The following PAX5 variants were observed in gnomAD, a reference collection of about 807,000 sequenced individuals.
PAX5 encodes paired box protein Pax-5.
In PAX5, 9 loss-of-function variants were observed where a neutral mutation model predicts 43.7. That is an observed-to-expected ratio of 0.21 (90% CI 0.12 to 0.36). PAX5 has a LOEUF of 0.36. Among genes scored for constraint, PAX5 ranks in the 10% least tolerant of loss-of-function variants. The probability of loss-of-function intolerance (pLI) is 1.00; values close to 1 mark genes in which losing one functional copy is unlikely to be tolerated. For synonymous variants in PAX5, 228 were observed against 214.3 expected (o/e 1.06, Z -0.56); for missense variants, 383 against 532.7 (o/e 0.72, Z 2.77).
At chr9:36,948,021 G>A (rs774711346) in intron 6 of PAX5, among the ~76,000 whole-genome samples, 13 of 152,050 alleles carry the variant, frequency 8.5e-5, no homozygotes, top group Non-Finnish European at 1.8e-4. Flanking sequence ...TCCTCTGAAC[G>A]TCTCCCACGT....
At chr9:36,920,871 T>C (rs1210990686) in intron 7 of PAX5, among the ~76,000 whole-genome samples, 2 of 136,596 alleles carry the variant, frequency 1.5e-5, no homozygotes, top group Admixed American at 8.9e-5. Flanking sequence ...TGGAGTGCAA[T>C]GGCGTGATCT....
intron 8 of PAX5, among the ~76,000 whole-genome samples, chr9:36,859,524 C>T (rs1010226046): frequency 3.9e-5 from 6 of 152,150 alleles, no homozygotes; most frequent in East Asian, 1.9e-4. Flanking sequence ...CGTCTGCACC[C>T]GACATTCATT....
At chr9:36,846,993 TG>T in intron 8 of PAX5, 64 bp from the exon 9 acceptor site, 1 of 1,202,308 alleles carries the variant, frequency 8.3e-7, no homozygotes, top group South Asian at 1.3e-5. Flanking sequence ...GAAAAGGCCC[TG>T]GGTCCCAGCC....
At chr9:36,903,903 G>T (rs1342778241) in intron 7 of PAX5, among the ~76,000 whole-genome samples, 2 of 152,212 alleles carry the variant, frequency 1.3e-5, no homozygotes, top group South Asian at 2.1e-4. Context: ...ACACTTCCAG[G>T]CTGCCATGAC....
chr9:36,941,813 G>T (rs1832078893), intron 6 of PAX5, among the ~76,000 whole-genome samples: 1 of 152,010 alleles, frequency 6.6e-6, no homozygotes, highest in South Asian at 2.1e-4. Context: ...CTGAGATGGA[G>T]AAATGGTTAC....
At chr9:36,874,970 G>A (rs941812490) in intron 8 of PAX5, among the ~76,000 whole-genome samples, 11 of 152,174 alleles carry the variant, frequency 7.2e-5, no homozygotes, top group Admixed American at 6.5e-5. Context: ...TTTATTATCA[G>A]TATCCCCATT....
intron 3 of PAX5, among the ~76,000 whole-genome samples, chr9:37,014,758 G>A (rs555664876): frequency 3.3e-5 from 5 of 152,262 alleles, no homozygotes; most frequent in African/African-American, 1.2e-4. Flanking sequence ...GAAGAAACTC[G>A]AGCGGCCAGG....
In PAX5 at chr9:36,983,539, C is replaced by T. The variant is rs1836119405; in HGVS notation, c.605-16815G>A. 2.0e-5 allele frequency among the ~76,000 whole-genome samples: 3 copies of T among 152,094 alleles called. No individual in the cohort carries two copies. In the South Asian group the frequency reaches 6.2e-4, roughly 31 times the overall value. ...TATGTGTATGAGTGGATTCTATTTC[C>T]TCTAAATTTCATTTTAGGATAGCAA... On this transcript the variant is annotated intron_variant, in intron 5 of 9. Transcript: ENST00000358127.
At position 36,840,342 on chromosome 9, in the gene PAX5, A is replaced by C; in HGVS notation, c.*218T>G. On this transcript the variant is annotated 3_prime_UTR_variant, in exon 10 of 10. Transcript: ENST00000358127. ...ACCCAGTGGCCATCGGGAGAAGCTC[A>C]TAGATTGGCTTTTAGAAATAGACAA... The C allele has an allele frequency of 1.6e-6, 1 of 618,180 alleles. No individual in the cohort carries two copies. The highest frequency in any genetic ancestry group is 2.9e-6 in the Non-Finnish European group (1 of 347,594). 38.3% of individuals were successfully genotyped at this position (618,180 alleles called of 1,614,324 possible).
intron 5 of PAX5, among the ~76,000 whole-genome samples, chr9:37,001,328 G>A (rs1033999368): frequency 1.3e-5 from 2 of 152,072 alleles, no homozygotes; most frequent in East Asian, 1.9e-4. Flanking sequence ...TCCCTCCACC[G>A]TGAACAAATA....
intron 5 of PAX5, among the ~76,000 whole-genome samples, chr9:36,979,721 A>AC (rs769316523): frequency 2.0e-5 from 3 of 152,102 alleles, no homozygotes; most frequent in Non-Finnish European, 2.9e-5. Flanking sequence ...AGTGCCTTGT[A>AC]CCCCAGTGAG....
At chr9:36,887,990 G>A (rs187048591) in intron 7 of PAX5, among the ~76,000 whole-genome samples, 1 of 152,286 alleles carries the variant, frequency 6.6e-6, no homozygotes, top group East Asian at 1.9e-4. Flanking sequence ...GTCTAAAGAA[G>A]AATAAATGAA....
chr9:36,857,223 A>G (rs1287413203), intron 8 of PAX5, among the ~76,000 whole-genome samples: 1 of 152,224 alleles, frequency 6.6e-6, no homozygotes, highest in Non-Finnish European at 1.5e-5. Context: ...TCTCTCCCCA[A>G]GTTTCTAAAG....
At chr9:36,868,431 AGT>A (rs1411263232) in intron 8 of PAX5, among the ~76,000 whole-genome samples, 1 of 152,232 alleles carries the variant, frequency 6.6e-6, no homozygotes, top group Admixed American at 6.5e-5. Flanking sequence ...GACCATGGGC[AGT>A]GCCCGGGGGG....
intron 1 of PAX5, among the ~76,000 whole-genome samples, chr9:37,032,991 GA>G (rs1683693894): frequency 6.6e-6 from 1 of 152,326 alleles, no homozygotes; most frequent in Admixed American, 6.5e-5. Flanking sequence ...AAAACCTGAG[GA>G]CACAGTGTGT....
At chr9:36,995,959 CT>C (rs1391615373) in intron 5 of PAX5, among the ~76,000 whole-genome samples, 1 of 152,326 alleles carries the variant, frequency 6.6e-6, no homozygotes, top group East Asian at 1.9e-4. Flanking sequence ...ACTCAGCTTC[CT>C]AAAGGCAAAG....
intron 2 of PAX5, 36 bp downstream of exon 2, chr9:37,020,600 G>A: frequency 6.2e-7 from 1 of 1,604,634 alleles, no homozygotes; most frequent in Non-Finnish European, 8.5e-7. Context: ...GTCTTTATTT[G>A]AAAGATCAAG....
chr9:37,015,938 CA>C lies in PAX5; in HGVS notation c.213-745del, dbSNP rs1396750013. Among the ~76,000 whole-genome samples the C allele has an allele frequency of 6.6e-6, 1 of 152,258 alleles. No individual in the cohort carries two copies. The highest frequency in any genetic ancestry group is 1.5e-5 in the Non-Finnish European group (1 of 68,044). Reference sequence around the variant, plus strand: ...GCTAAGCATTAACAAAATTCTTTCACATTCATCTACCATTTTATAGTTTACA... The same window carrying C: ...GCTAAGCATTAACAAAATTCTTTCACTTCATCTACCATTTTATAGTTTACA... On this transcript the variant is annotated intron_variant, in intron 2 of 9. Transcript: ENST00000358127. The surrounding 1 kb of genome is among the most constrained non-coding windows in gnomAD (Gnocchi z 4.4).
chr9:36,928,040 G>C (rs1830796556), intron 6 of PAX5, among the ~76,000 whole-genome samples: 3 of 152,226 alleles, frequency 2.0e-5, no homozygotes, highest in Admixed American at 2.0e-4. Context: ...CCACCTTGCA[G>C]GGCTTGCCCA....
Sources: allele counts gnomAD v4.1 joint callset (sites outside exome capture counted in the v4.1 genomes callset), GRCh38; gene constraint gnomAD v4.1.1; non-coding constraint Gnocchi (gnomAD v3.1); transcripts MANE v1.5; gene names NCBI Gene and HGNC (gene_info 2026-07-23, HGNC 2026-07-21).